Variants in AFF3 observed in about 807,000 individuals in gnomAD.
AFF3 encodes ALF transcription elongation factor 3.
A neutral mutation model predicts 129.7 loss-of-function variants in AFF3; 32 were observed. The ratio of observed to expected loss-of-function variants is 0.25; its 90% CI spans 0.19 to 0.33. The LOEUF (loss-of-function observed/expected upper bound fraction) is 0.33, where lower values mean the gene tolerates loss of function less well. AFF3 is among the 10% of genes least tolerant of loss of function. The pLI is 1.00. For missense variants in AFF3, 1,373 were observed against 1,592.0 expected (o/e 0.86, Z 2.34); for synonymous variants, 644 against 635.4 (o/e 1.01, Z -0.20).
chr2:99,643,872 C>G (rs1187976046), intron 13 of AFF3, among the ~76,000 whole-genome samples: 3 of 152,182 alleles, frequency 2.0e-5, no homozygotes, highest in Non-Finnish European at 2.9e-5. Context: ...TATATACTCC[C>G]TAATGGGCAA....
chr2:100,043,453 G>A (rs1405939281), intron 4 of AFF3, among the ~76,000 whole-genome samples: 1 of 152,118 alleles, frequency 6.6e-6, no homozygotes, highest in Admixed American at 6.5e-5. Flanking sequence ...GACGGGACTT[G>A]GAAATATTTG....
At chr2:99,901,868 A>T (rs1694366877) in intron 7 of AFF3, among the ~76,000 whole-genome samples, 1 of 152,070 alleles carries the variant, frequency 6.6e-6, no homozygotes, top group Admixed American at 6.6e-5. Context: ...GCAGAAGGCC[A>T]ACTGCTTGTC....
intron 20 of AFF3, among the ~76,000 whole-genome samples, chr2:99,562,662 T>C (rs559619463): frequency 6.6e-6 from 1 of 152,332 alleles, no homozygotes; most frequent in East Asian, 1.9e-4. Context: ...ATCATCTTTT[T>C]TCATGCCAGT....
chr2:99,546,156 A>G lies in AFF3; in HGVS notation c.*5318T>C, dbSNP rs944445368. The G allele has an allele frequency of 4.4e-6, 1 of 229,660 alleles. No homozygotes were observed. Among genetic ancestry groups the G allele is most frequent in the Non-Finnish European group, 8.6e-6 (1 of 115,830 alleles). The allele number at this position is 229,660 out of a possible 1,614,324, so 14.2% of individuals were successfully genotyped here. A position where few individuals can be genotyped will look rare whatever the true frequency, so the allele number is the denominator to read the frequency against. ...ATTCCACTTGATCCGGGTTTCTTCG[A>G]AAATGTATTACTTTTTACAAATATA... On this transcript the variant is annotated 3_prime_UTR_variant, in exon 25 of 25. Transcript: ENST00000672756.
chr2:99,896,632 T>C (rs954223634), intron 7 of AFF3, among the ~76,000 whole-genome samples: 2 of 112,114 alleles, frequency 1.8e-5, no homozygotes, highest in Admixed American at 8.6e-5. Flanking sequence ...TTTTTTTTTT[T>C]TTTTTTTTTT....
chr2:99,568,856 G>C lies in AFF3; in HGVS notation c.2978C>G (p.Ala993Gly). The change falls in exon 19 of 25, where the codon GCA becomes GGA. Residue 993 changes from alanine (A) to glycine (G), a missense_variant. By Grantham distance (60) the Ala-to-Gly change is moderately conservative (BLOSUM62 0). Coordinates refer to ENST00000672756, the MANE Select transcript of AFF3 (RefSeq NM_001386135.1). Reference sequence around the variant, plus strand: ...CTGGAAAGAAAAGGGTCTCACCATTGCATCTGCTTTATGCTTCATTCGTTT... The same window carrying C: ...CTGGAAAGAAAAGGGTCTCACCATTCCATCTGCTTTATGCTTCATTCGTTT... ...EAKRMKHKADAMVEKFGKALN... is the reference protein window; with the variant it reads ...EAKRMKHKADGMVEKFGKALN... 3.1e-6 allele frequency: 5 copies of C among 1,614,036 alleles called. No individual in the cohort carries two copies. The highest frequency in any genetic ancestry group is 4.2e-6 in the Non-Finnish European group (5 of 1,179,908).
chr2:99,811,684 C>G (rs565969526), intron 8 of AFF3, among the ~76,000 whole-genome samples: 16 of 152,318 alleles, frequency 1.1e-4, no homozygotes, highest in African/African-American at 3.8e-4. Context: ...TCAGTCTTAT[C>G]CCTGATCCAT....
At chr2:99,899,984 G>A (rs1165965461) in intron 7 of AFF3, among the ~76,000 whole-genome samples, 1 of 152,164 alleles carries the variant, frequency 6.6e-6, no homozygotes, top group African/African-American at 2.4e-5. Context: ...AAACCATGCT[G>A]CACCAATAAC....
intron 7 of AFF3, among the ~76,000 whole-genome samples, chr2:99,858,346 G>T (rs1458141749): frequency 6.9e-6 from 1 of 145,724 alleles, no homozygotes; most frequent in Non-Finnish European, 1.5e-5. Context: ...AGGAGTTGGA[G>T]ACCAGCCTGA....
intron 7 of AFF3, among the ~76,000 whole-genome samples, chr2:99,867,708 C>T (rs1691533303): frequency 6.6e-6 from 1 of 152,164 alleles, no homozygotes; most frequent in African/African-American, 2.4e-5. Flanking sequence ...CTCCATATCC[C>T]CCCAATCCCC....
intron 7 of AFF3, among the ~76,000 whole-genome samples, chr2:99,954,557 C>A (rs1676450135): frequency 6.6e-6 from 1 of 151,948 alleles, no homozygotes; most frequent in African/African-American, 2.4e-5. Context: ...AAATGTGGCA[C>A]ATATACACCA....
At chr2:100,093,120 T>C (rs186077664) in intron 4 of AFF3, among the ~76,000 whole-genome samples, 1 of 152,274 alleles carries the variant, frequency 6.6e-6, no homozygotes, top group East Asian at 1.9e-4. Flanking sequence ...CTTTTTTTTC[T>C]TTCTGAGACA....
In AFF3 at chr2:99,548,824, C is replaced by A. The variant is rs116708939; in HGVS notation, c.*2650G>T. On this transcript the variant is annotated 3_prime_UTR_variant, in exon 25 of 25. Coordinates refer to ENST00000672756, the MANE Select transcript of AFF3 (RefSeq NM_001386135.1). The stretch of plus-strand genomic sequence containing the variant: ...AGTTATGAATGACTTTCACAAGCAA[C>A]AATTGGAGGATGGTTACTAACCAAA... 455 of 232,794 alleles carry A rather than the reference C, an allele frequency of 2.0e-3. 3 individuals are homozygous for A. The highest frequency in any genetic ancestry group is 9.4e-3 in the African/African-American group (427 of 45,432). The allele number at this position is 232,794 out of a possible 1,614,324, so 14.4% of individuals were successfully genotyped here. A position where few individuals can be genotyped will look rare whatever the true frequency, so the allele number is the denominator to read the frequency against.
intron 14 of AFF3, among the ~76,000 whole-genome samples, chr2:99,597,933 G>A (rs897839204): frequency 2.6e-5 from 4 of 152,182 alleles, no homozygotes; most frequent in African/African-American, 9.7e-5. Flanking sequence ...TCAAGTACCC[G>A]CTGCCATGGA....
intron 4 of AFF3, among the ~76,000 whole-genome samples, chr2:100,047,498 C>G (rs1685933100): frequency 6.6e-6 from 1 of 152,190 alleles, no homozygotes; most frequent in Non-Finnish European, 1.5e-5. Flanking sequence ...CATTACCATC[C>G]TACACCACGA....
chr2:99,626,137 A>G (rs1682516263), intron 13 of AFF3, among the ~76,000 whole-genome samples: 1 of 152,218 alleles, frequency 6.6e-6, no homozygotes, highest in South Asian at 2.1e-4. Flanking sequence ...TATTCAACAG[A>G]ACCAGCTTGG....
At chr2:99,936,187 A>T (rs1363553332) in intron 7 of AFF3, among the ~76,000 whole-genome samples, 1 of 152,130 alleles carries the variant, frequency 6.6e-6, no homozygotes, top group Non-Finnish European at 1.5e-5. Flanking sequence ...GAATTAGAGG[A>T]TCTCAGTTGG....
Position 99,744,267 on chromosome 2 carries a change from T to A in AFF3, c.1003-127A>T, listed in dbSNP as rs112472401. On this transcript the variant is annotated intron_variant, in intron 9 of 24. Coordinates refer to ENST00000672756, the MANE Select transcript of AFF3 (RefSeq NM_001386135.1). ...TTGCTCTCAATCTCTATCAGCTACT[T>A]TAATGAGAAACATATACATGAAGGT... The A allele has an allele frequency of 1.5e-4, 107 of 723,200 alleles. No individual in the cohort carries two copies. The African/African-American group carries it at 1.6e-3, about 11-fold the overall frequency. The allele number at this position is 723,200 out of a possible 1,614,324, so 44.8% of individuals were successfully genotyped here.
chr2:100,116,225 T>A (rs746569266), intron 2 of AFF3, among the ~76,000 whole-genome samples: 2 of 152,134 alleles, frequency 1.3e-5, no homozygotes, highest in Non-Finnish European at 2.9e-5. Context: ...TGCCTTTCTA[T>A]ATCCTTATGT....
Sources: gnomAD v4.1 joint callset for allele counts (sites outside exome capture counted in the v4.1 genomes callset) on GRCh38, gnomAD v4.1.1 for gene constraint, MANE v1.5 for transcripts, NCBI Gene and HGNC (gene_info 2026-07-23, HGNC 2026-07-21) for gene names.